PPFIBP2: variants seen among roughly 807,000 people sequenced by gnomAD.
PPFIBP2 encodes the protein liprin-beta-2.
PPFIBP2 carries 118 observed loss-of-function variants against 118.3 expected under a neutral mutation model. The observed-to-expected ratio is 1.00, with a 90% confidence interval of 0.86 to 1.16. PPFIBP2 has a LOEUF of 1.16. Ranked by LOEUF, PPFIBP2 falls within the 50% of genes most tolerant of loss-of-function variation. The pLI is 0.00. For synonymous variants in PPFIBP2, 414 were observed against 397.4 expected (o/e 1.04, Z -0.50); for missense variants, 1,195 against 1,073.1 (o/e 1.11, Z -1.59).
chr11:7,597,689 C>CTGAAGGCCCTTGGG lies in PPFIBP2; in HGVS notation c.486+19_486+32dup, dbSNP rs1565028598. On this transcript the variant is annotated intron_variant, in intron 5 of 23. Coordinates refer to ENST00000299492, the MANE Select transcript of PPFIBP2 (RefSeq NM_003621.5). ...GCTTCAACAGGTAAGGGCGGGTGCA[C>CTGAAGGCCCTTGGG]TGAAGGCCCTTGGGTGCCGAAGCAG... is the stretch of plus-strand genomic sequence containing the variant. The CTGAAGGCCCTTGGG allele has an allele frequency of 3.7e-6, 6 of 1,600,260 alleles. No homozygotes were observed. The highest frequency in any genetic ancestry group is 5.1e-6 in the Non-Finnish European group (6 of 1,168,328).
At chr11:7,656,890 G>A, downstream of PPFIBP2, 2 of 969,460 alleles carry the variant, frequency 2.1e-6, no homozygotes, top group Non-Finnish European at 2.9e-6. Flanking sequence ...CCCTCTGCAA[G>A]CCCAGTCCGG....
chr11:7,652,926 T>C, intron 23 of PPFIBP2, 98 bp from the exon 24 acceptor site: 1 of 1,356,342 alleles, frequency 7.4e-7, no homozygotes, highest in South Asian at 1.4e-5. Context: ...ATTATTCCTC[T>C]CCTTGAGTGC....
intron 3 of PPFIBP2, among the ~76,000 whole-genome samples, chr11:7,578,971 C>T (rs1331487769): frequency 1.3e-5 from 2 of 151,602 alleles, no homozygotes; most frequent in Non-Finnish European, 1.5e-5. Context: ...CAGTGAAGGC[C>T]ACGGTAAGGC....
chr11:7,525,095 T>A (rs1850105783), intron 1 of PPFIBP2, among the ~76,000 whole-genome samples: 1 of 152,156 alleles, frequency 6.6e-6, no homozygotes, highest in South Asian at 2.1e-4. Flanking sequence ...CTCTTGCCTG[T>A]CCTGCCCCCT....
the PPFIBP2 span, chr11:7,665,267 T>C: frequency 4.0e-6 from 4 of 1,001,402 alleles, no homozygotes; most frequent in African/African-American, 4.9e-5. Context: ...TGCGCGAAGG[T>C]ACATGGCAAG....
chr11:7,640,959 C>T (rs1271825636), intron 15 of PPFIBP2: 6 of 1,144,672 alleles, frequency 5.2e-6, no homozygotes, highest in Middle Eastern at 2.2e-4. Flanking sequence ...TTTGCTTCCC[C>T]GTAACTCTGT....
intron 1 of PPFIBP2, among the ~76,000 whole-genome samples, chr11:7,516,276 G>A (rs530684084): frequency 1.3e-5 from 2 of 152,296 alleles, no homozygotes; most frequent in African/African-American, 4.8e-5. Flanking sequence ...CAGGGTCAAA[G>A]GGATGAGGCC....
the PPFIBP2 span, chr11:7,666,481 G>C: frequency 6.2e-7 from 1 of 1,613,218 alleles, no homozygotes; most frequent in Non-Finnish European, 8.5e-7. Flanking sequence ...GTGTACCACA[G>C]GTTGAACTGG....
intron 4 of PPFIBP2, among the ~76,000 whole-genome samples, chr11:7,594,090 G>T (rs1350312761): frequency 6.6e-5 from 10 of 152,112 alleles, no homozygotes; most frequent in Admixed American, 5.9e-4. Flanking sequence ...CCAGGCTATG[G>T]GCTTTAGCTT....
intron 2 of PPFIBP2, among the ~76,000 whole-genome samples, chr11:7,555,523 G>A (rs1383859447): frequency 2.6e-5 from 4 of 152,138 alleles, no homozygotes; most frequent in Admixed American, 6.5e-5. Context: ...TCTTGTCCCC[G>A]GCTTCTCTGA....
intron 2 of PPFIBP2, among the ~76,000 whole-genome samples, chr11:7,562,932 TATATATATATATATATATATA>T (rs1564976265): frequency 6.3e-3 from 23 of 3,634 alleles, no homozygotes; most frequent in African/African-American, 0.034. Flanking sequence ...TAAAGTTTTA[TATATATATATATATATATATA>T]TATATATATA....
At chr11:7,557,501 T>C (rs1236962301) in intron 2 of PPFIBP2, among the ~76,000 whole-genome samples, 1 of 149,162 alleles carries the variant, frequency 6.7e-6, no homozygotes, top group Non-Finnish European at 1.5e-5. Flanking sequence ...TTTTTTTTTT[T>C]TTTTTTTTGA....
the PPFIBP2 span, among the ~76,000 whole-genome samples, chr11:7,664,101 C>A: frequency 1.3e-5 from 2 of 152,036 alleles, no homozygotes; most frequent in African/African-American, 2.4e-5. Context: ...CAGAAATCAC[C>A]GTCTTCTGCG....
intron 12 of PPFIBP2, among the ~76,000 whole-genome samples, chr11:7,633,389 A>C (rs143028606): frequency 6.6e-6 from 1 of 152,238 alleles, no homozygotes; most frequent in Non-Finnish European, 1.5e-5. Flanking sequence ...ACAATGAACT[A>C]ATAATGGGCT....
chr11:7,666,570 G>A, the PPFIBP2 span: 1 of 1,582,486 alleles, frequency 6.3e-7, no homozygotes, highest in Non-Finnish European at 8.7e-7. Flanking sequence ...AAGCAACACT[G>A]AAAAAGCCCC....
intron 1 of PPFIBP2, among the ~76,000 whole-genome samples, chr11:7,527,774 A>C (rs901268762): frequency 2.6e-5 from 4 of 152,140 alleles, no homozygotes; most frequent in African/African-American, 9.7e-5. Flanking sequence ...ACAGCAGTGC[A>C]CAAAGGAAGG....
In PPFIBP2 at chr11:7,616,233, A is replaced by G. The variant is rs967858358; in HGVS notation, c.619-4702A>G. 2.6e-5 allele frequency among the ~76,000 whole-genome samples: 4 copies of G among 152,216 alleles called. No homozygotes were observed. Among genetic ancestry groups the G allele is most frequent in the African/African-American group, 7.2e-5 (3 of 41,466 alleles). ...TGGATGCCTCTGACAGATACAAAAA[A>G]TTTAGGACAATAGTCCCCCAAAGTG... On this transcript the variant is annotated intron_variant, in intron 6 of 23. Coordinates refer to ENST00000299492, the MANE Select transcript of PPFIBP2 (RefSeq NM_003621.5). The surrounding 1 kb of genome is among the most constrained non-coding windows in gnomAD (Gnocchi z 5.2).
intron 1 of PPFIBP2, among the ~76,000 whole-genome samples, chr11:7,526,389 C>A (rs1850233556): frequency 6.6e-6 from 1 of 152,186 alleles, no homozygotes; most frequent in Non-Finnish European, 1.5e-5. Flanking sequence ...TAGCTAGACT[C>A]TTCCCATTAT....
chr11:7,517,818 A>G (rs1057009588), intron 1 of PPFIBP2, among the ~76,000 whole-genome samples: 1 of 152,218 alleles, frequency 6.6e-6, no homozygotes, highest in East Asian at 1.9e-4. Flanking sequence ...GGGCACCATC[A>G]GTCTTCAGCG....
Sources: gnomAD v4.1 joint callset for allele counts (sites outside exome capture counted in the v4.1 genomes callset) on GRCh38, gnomAD v4.1.1 for gene constraint, Gnocchi (gnomAD v3.1) non-coding constraint, MANE v1.5 for transcripts, NCBI Gene and HGNC (gene_info 2026-07-23, HGNC 2026-07-21) for gene names.